Variants in PTPRN2 observed in about 807,000 individuals in gnomAD.
PTPRN2 encodes protein tyrosine phosphatase receptor type N2.
Under a neutral mutation model 118.8 loss-of-function variants are expected in PTPRN2, and 74 were observed. The observed-to-expected ratio is 0.62, with a 90% CI of 0.52 to 0.76. PTPRN2 has a LOEUF of 0.76. PTPRN2 is among the 30% of genes least tolerant of loss of function. The pLI, the probability that PTPRN2 is intolerant of heterozygous loss-of-function variation, is 0.00. For synonymous variants in PTPRN2, 641 were observed against 608.0 expected, an observed-to-expected ratio of 1.05 and a Z score of -0.80; for missense variants, 1,481 against 1,394.4, an observed-to-expected ratio of 1.06 and a Z score of -0.99.
At chr7:157,938,572 A>G (rs534462064) in intron 11 of PTPRN2, among the ~76,000 whole-genome samples, 44 of 152,360 alleles carry the variant, frequency 2.9e-4, no homozygotes, top group African/African-American at 8.9e-4. Context: ...CAACACCCAA[A>G]GGCAAGATGT....
At chr7:158,326,114 A>ACAAG (rs1375355309) in intron 2 of PTPRN2, among the ~76,000 whole-genome samples, 3 of 152,194 alleles carry the variant, frequency 2.0e-5, no homozygotes, top group African/African-American at 7.2e-5. Flanking sequence ...GCAGGTCTTG[A>ACAAG]GTCTGGCAGC....
intron 12 of PTPRN2, among the ~76,000 whole-genome samples, chr7:157,700,675 T>G (rs2150862583): frequency 6.6e-6 from 1 of 152,296 alleles, no homozygotes; most frequent in African/African-American, 2.4e-5. Context: ...TGTCCCTCCC[T>G]GAAAATTCCA....
intron 10 of PTPRN2, among the ~76,000 whole-genome samples, chr7:158,098,418 G>C (rs1814847177): frequency 6.6e-6 from 1 of 152,206 alleles, no homozygotes; most frequent in African/African-American, 2.4e-5. Context: ...AGTGTCCTAA[G>C]GCGGGAGATG....
rs1421268910 is a variant in PTPRN2, at chr7:157,611,995, A to AC, written c.2345-7921dup. Among the ~76,000 whole-genome samples, 5 of 152,082 alleles carry AC rather than the reference A, an allele frequency of 3.3e-5. No homozygotes were observed. Among genetic ancestry groups the AC allele is most frequent in the Non-Finnish European group, 7.4e-5 (5 of 68,004 alleles). On this transcript the variant is annotated intron_variant, in intron 15 of 22. Coordinates refer to ENST00000389418, the MANE Select transcript of PTPRN2 (RefSeq NM_002847.5). This position sits in a 1 kb window ranked among gnomAD's most constrained non-coding sequence, Gnocchi z 5.9. Reference sequence around the variant, plus strand: ...AGAAGCCAGCCCTGCTGACACCCTGACCTCCATTTCTGGCCTCCGGAATGG... The same window carrying AC: ...AGAAGCCAGCCCTGCTGACACCCTGACCCTCCATTTCTGGCCTCCGGAATGG...
chr7:158,319,474 A>AC (rs1256486494), intron 2 of PTPRN2, among the ~76,000 whole-genome samples: 10 of 54,396 alleles, frequency 1.8e-4, no homozygotes, highest in Non-Finnish European at 2.2e-4. Flanking sequence ...CCTCACACAC[A>AC]AGCACAGCCT....
intron 12 of PTPRN2, among the ~76,000 whole-genome samples, chr7:157,876,114 GCAA>G (rs1334247664): frequency 1.3e-5 from 2 of 152,228 alleles, no homozygotes; most frequent in Non-Finnish European, 2.9e-5. Flanking sequence ...ACGACTCCTT[GCAA>G]ACAATGCAGT....
chr7:157,724,053 T>C (rs1200825111), intron 12 of PTPRN2, among the ~76,000 whole-genome samples: 1 of 152,224 alleles, frequency 6.6e-6, no homozygotes, highest in African/African-American at 2.4e-5. Flanking sequence ...TGTGCTGGTG[T>C]ATCTGGAATT....
intron 2 of PTPRN2, among the ~76,000 whole-genome samples, chr7:158,343,659 T>C (rs1807252746): frequency 6.7e-6 from 1 of 149,314 alleles, no homozygotes; most frequent in Non-Finnish European, 1.5e-5. Flanking sequence ...TTTCTGATTT[T>C]ACACCCAACA....
At chr7:158,350,959 A>T (rs1199491359) in intron 2 of PTPRN2, among the ~76,000 whole-genome samples, 1 of 152,198 alleles carries the variant, frequency 6.6e-6, no homozygotes, top group Non-Finnish European at 1.5e-5. Context: ...CCCACCCGGC[A>T]CACCTGTGGC....
At chr7:157,730,160 C>A (rs1245725856) in intron 12 of PTPRN2, among the ~76,000 whole-genome samples, 1 of 151,158 alleles carries the variant, frequency 6.6e-6, no homozygotes, top group African/African-American at 2.4e-5. Flanking sequence ...GGGGATGGCA[C>A]CTGAGTCCCA....
intron 3 of PTPRN2, among the ~76,000 whole-genome samples, chr7:158,210,897 T>A (rs1827542244): frequency 6.6e-6 from 1 of 152,174 alleles, no homozygotes; most frequent in Non-Finnish European, 1.5e-5. Context: ...TAAAGAAGAA[T>A]CTTGCTCAAA....
In PTPRN2 at chr7:158,093,617, C is replaced by T. The variant is rs564307768; in HGVS notation, c.1644-12240G>A. Among the ~76,000 whole-genome samples, 6 of 152,314 alleles carry T rather than the reference C, an allele frequency of 3.9e-5. No individual in the cohort carries two copies. The highest frequency in any genetic ancestry group is 1.4e-4 in the African/African-American group (6 of 41,568). On this transcript the variant is annotated intron_variant, in intron 10 of 22. Coordinates refer to ENST00000389418, the MANE Select transcript of PTPRN2 (RefSeq NM_002847.5). This position sits in a 1 kb window ranked among gnomAD's most constrained non-coding sequence, Gnocchi z 4.4. ...CTGCTACAGAATTCTCTTTGCATGCCTCATTCCAGCTATGTCTTCTTACAG... is the reference window on the plus strand; with the variant it reads ...CTGCTACAGAATTCTCTTTGCATGCTTCATTCCAGCTATGTCTTCTTACAG...
intron 12 of PTPRN2, among the ~76,000 whole-genome samples, chr7:157,712,732 T>G (rs1585287134): frequency 8.0e-6 from 1 of 125,652 alleles, no homozygotes; most frequent in Non-Finnish European, 1.6e-5. Flanking sequence ...GCCTGGGCTG[T>G]GAGAGTGAAA....
chr7:157,739,873 C>G (rs561553757), intron 12 of PTPRN2, among the ~76,000 whole-genome samples: 1 of 152,216 alleles, frequency 6.6e-6, no homozygotes. Context: ...ATTCCACCCC[C>G]TCTGCGTGCT....
intron 11 of PTPRN2, among the ~76,000 whole-genome samples, chr7:158,077,074 G>C (rs567095943): frequency 6.6e-6 from 1 of 152,310 alleles, no homozygotes; most frequent in South Asian, 2.1e-4. Flanking sequence ...TTTATGAGAG[G>C]CCAGAAGCCT....
At chr7:157,798,509 A>G (rs1375623187) in intron 12 of PTPRN2, among the ~76,000 whole-genome samples, 1 of 151,918 alleles carries the variant, frequency 6.6e-6, no homozygotes, top group Non-Finnish European at 1.5e-5. Flanking sequence ...ACAGACACAC[A>G]CGGACACACA....
At chr7:158,288,297 T>C (rs1204881450) in intron 3 of PTPRN2, among the ~76,000 whole-genome samples, 1 of 152,178 alleles carries the variant, frequency 6.6e-6, no homozygotes, top group Non-Finnish European at 1.5e-5. Flanking sequence ...CAGTAATTAT[T>C]GACAGGCAGG....
intron 11 of PTPRN2, among the ~76,000 whole-genome samples, chr7:157,930,680 T>C (rs1799303787): frequency 1.3e-5 from 2 of 152,302 alleles, no homozygotes; most frequent in South Asian, 2.1e-4. Context: ...GAGAGCCTCC[T>C]TGGGCAAAGC....
intron 3 of PTPRN2, among the ~76,000 whole-genome samples, chr7:158,265,016 A>G (rs1409994007): frequency 1.3e-5 from 2 of 151,024 alleles, no homozygotes; most frequent in African/African-American, 4.9e-5. Context: ...GGGCTCTCCT[A>G]CTCCAGGCCC....
Sources: gnomAD v4.1 joint callset for allele counts (sites outside exome capture counted in the v4.1 genomes callset) on GRCh38, gnomAD v4.1.1 for gene constraint, Gnocchi (gnomAD v3.1) non-coding constraint, MANE v1.5 for transcripts, NCBI Gene and HGNC (gene_info 2026-07-23, HGNC 2026-07-21) for gene names.